Variants in BBX observed in about 807,000 individuals in gnomAD.
The protein encoded by BBX is BBX high mobility group box domain containing.
A neutral mutation model predicts 100.2 loss-of-function variants in BBX; 30 were observed. The ratio of observed to expected loss-of-function variants is 0.30; its 90% CI spans 0.22 to 0.41. The LOEUF (loss-of-function observed/expected upper bound fraction) is 0.41. Ranked by LOEUF, BBX falls within the 10% of genes least tolerant of loss-of-function variation. The pLI, the probability that BBX is intolerant of heterozygous loss-of-function variation, is 1.00. For missense variants in BBX, 1,023 were observed against 1,129.8 expected (o/e 0.91, Z 1.35); for synonymous variants, 376 against 388.1 (o/e 0.97, Z 0.37).
intron 3 of BBX, among the ~76,000 whole-genome samples, chr3:107,698,588 G>T (rs556185222): frequency 6.6e-6 from 1 of 151,112 alleles, no homozygotes; most frequent in Admixed American, 6.6e-5. Context: ...GCAGGTGGAG[G>T]TTGCAGTGAG....
intron 2 of BBX, among the ~76,000 whole-genome samples, chr3:107,636,522 C>G (rs1400897646): frequency 2.0e-5 from 3 of 152,122 alleles, no homozygotes; most frequent in Non-Finnish European, 2.9e-5. Context: ...GTTAACATTT[C>G]AAAATACTTA....
chr3:107,649,115 C>A (rs1440933829), intron 3 of BBX, among the ~76,000 whole-genome samples: 1 of 152,178 alleles, frequency 6.6e-6, no homozygotes, highest in Non-Finnish European at 1.5e-5. Context: ...TGCACGGGGA[C>A]TCCCCTTTAT....
intron 3 of BBX, among the ~76,000 whole-genome samples, chr3:107,700,430 A>G (rs2060953808): frequency 6.9e-6 from 1 of 145,686 alleles, no homozygotes; most frequent in Non-Finnish European, 1.5e-5. Flanking sequence ...TATTATTATT[A>G]TTATTATTAT....
At chr3:107,575,990 T>G (rs1400792529) in intron 2 of BBX, among the ~76,000 whole-genome samples, 2 of 152,220 alleles carry the variant, frequency 1.3e-5, no homozygotes, top group Non-Finnish European at 2.9e-5. Context: ...GAGCAGTGAC[T>G]GTGCCATTGC....
chr3:107,808,545 T>A lies in BBX; in HGVS notation c.*3088T>A, dbSNP rs1386942603. The A allele has an allele frequency of 6.6e-6, 1 of 152,186 alleles. No individual in the cohort carries two copies. Among genetic ancestry groups the A allele is most frequent in the African/African-American group, 2.4e-5 (1 of 41,444 alleles). The allele number at this position is 152,186 out of a possible 1,614,324, so 9.4% of individuals were successfully genotyped here. On this transcript the variant is annotated 3_prime_UTR_variant, in exon 18 of 18. Coordinates refer to ENST00000325805, the MANE Select transcript of BBX (RefSeq NM_001142568.3). The stretch of plus-strand genomic sequence containing the variant: ...TTATTCTGGGTATTTCCTATGTAAT[T>A]TTGAAGTGTGTAGAGTATATTATAG...
At chr3:107,536,276 C>G (rs539717087) in intron 2 of BBX, among the ~76,000 whole-genome samples, 2 of 152,312 alleles carry the variant, frequency 1.3e-5, no homozygotes, top group Admixed American at 6.5e-5. Flanking sequence ...ACTAAGAGCC[C>G]TATTCATCTG....
At chr3:107,707,225 A>G (rs751117759) in intron 3 of BBX, among the ~76,000 whole-genome samples, 1 of 152,114 alleles carries the variant, frequency 6.6e-6, no homozygotes, top group Non-Finnish European at 1.5e-5. Flanking sequence ...TTTCTCCCCA[A>G]GCCTGTGCAT....
At chr3:107,757,672 T>C (rs1232579273) in intron 10 of BBX, among the ~76,000 whole-genome samples, 1 of 152,206 alleles carries the variant, frequency 6.6e-6, no homozygotes, top group Non-Finnish European at 1.5e-5. Flanking sequence ...GCACAATGGA[T>C]TAACCAGCAT....
chr3:107,797,364 A>ATATATATATATATATATATATATATATAT (rs71113691), intron 15 of BBX, among the ~76,000 whole-genome samples: 1 of 109,838 alleles, frequency 9.1e-6, no homozygotes, highest in Non-Finnish European at 1.9e-5. Flanking sequence ...ATATATATAT[A>ATATATATATATATATATATATATATATAT]GCTTTATTGC....
In BBX at chr3:107,731,778, A is replaced by G. The variant is rs373197016; in HGVS notation, c.602-1178A>G. On this transcript the variant is annotated intron_variant, in intron 6 of 17. Transcript: ENST00000325805. The stretch of plus-strand genomic sequence containing the variant: ...TTTATGAGTTCCTAAGACAGGTTGT[A>G]TACAAAGATGTACTTAAGGACATAT... Among the ~76,000 whole-genome samples the G allele has an allele frequency of 2.8e-4, 42 of 152,134 alleles. 2 individuals are homozygous for G. In the East Asian group the frequency reaches 8.1e-3, roughly 29 times the overall value.
At chr3:107,661,348 G>A (rs1234760013) in intron 3 of BBX, among the ~76,000 whole-genome samples, 1 of 151,984 alleles carries the variant, frequency 6.6e-6, no homozygotes, top group Non-Finnish European at 1.5e-5. Flanking sequence ...AAAATTTGGG[G>A]GCCTCGATTA....
chr3:107,655,594 C>T (rs2058089692), intron 3 of BBX, among the ~76,000 whole-genome samples: 1 of 147,674 alleles, frequency 6.8e-6, no homozygotes, highest in African/African-American at 2.5e-5. Flanking sequence ...TCAGAGCTCA[C>T]TACAGACTTG....
chr3:107,526,986 A>G (rs1012912349), intron 2 of BBX, among the ~76,000 whole-genome samples: 2 of 152,236 alleles, frequency 1.3e-5, no homozygotes, highest in African/African-American at 2.4e-5. Context: ...TGGAGAAATT[A>G]GGAACAATTC....
At chr3:107,743,224 C>T (rs1315891213) in intron 7 of BBX, among the ~76,000 whole-genome samples, 1 of 151,686 alleles carries the variant, frequency 6.6e-6, no homozygotes, top group Non-Finnish European at 1.5e-5. Context: ...AATCTAGGAG[C>T]CAAAAATATA....
At chr3:107,747,251 T>TGTG (rs1560086949) in intron 8 of BBX, among the ~76,000 whole-genome samples, 59 of 150,986 alleles carry the variant, frequency 3.9e-4, no homozygotes, top group African/African-American at 1.4e-3. Flanking sequence ...GTGTGTGTGT[T>TGTG]TGTGTTGGGT....
chr3:107,563,560 G>T (rs1175352096), intron 2 of BBX, among the ~76,000 whole-genome samples: 1 of 152,064 alleles, frequency 6.6e-6, no homozygotes, highest in African/African-American at 2.4e-5. Context: ...TTTAAAAATT[G>T]ATGTTTCTAC....
At chr3:107,535,376 T>C (rs1386784060) in intron 2 of BBX, among the ~76,000 whole-genome samples, 1 of 152,146 alleles carries the variant, frequency 6.6e-6, no homozygotes, top group Non-Finnish European at 1.5e-5. Context: ...ATCTGTAAGA[T>C]CATTGTCAAA....
intron 5 of BBX, among the ~76,000 whole-genome samples, chr3:107,721,795 C>T (rs1398067578): frequency 6.6e-6 from 1 of 151,738 alleles, no homozygotes; most frequent in Non-Finnish European, 1.5e-5. Context: ...TTTGAATTGC[C>T]ACATCTGTAA....
In BBX at chr3:107,810,833, A is replaced by T. The variant is rs1234881832; in HGVS notation, c.*5376A>T. The T allele has an allele frequency of 6.6e-6, 1 of 152,116 alleles. No homozygotes were observed. The highest frequency in any genetic ancestry group is 1.9e-4 in the East Asian group (1 of 5,198). 9.4% of individuals were successfully genotyped at this position (152,116 alleles called of 1,614,324 possible). A position where few individuals can be genotyped will look rare whatever the true frequency, so the allele number is the denominator to read the frequency against. The stretch of plus-strand genomic sequence containing the variant: ...TCGTAGGTTTGAATTGCTTACTCAC[A>T]TGTCATAAATTAACCACAGCTTCAT... On this transcript the variant is annotated 3_prime_UTR_variant, in exon 18 of 18. Transcript: ENST00000325805.
Sources: allele counts gnomAD v4.1 joint callset (sites outside exome capture counted in the v4.1 genomes callset), GRCh38; gene constraint gnomAD v4.1.1; transcripts MANE v1.5; gene names NCBI Gene and HGNC (gene_info 2026-07-23, HGNC 2026-07-21).